Variants in SULT1C4 observed in about 807,000 individuals in gnomAD.
The protein encoded by SULT1C4 is sulfotransferase family 1C member 4, also known as sulfotransferase 1C4.
A neutral mutation model predicts 34.8 loss-of-function variants in SULT1C4; 32 were observed. The ratio of observed to expected loss-of-function variants is 0.92; its 90% CI spans 0.69 to 1.23. SULT1C4 has a LOEUF of 1.23. Ranked by LOEUF, SULT1C4 falls within the 50% of genes most tolerant of loss-of-function variation. The pLI, the probability that SULT1C4 is intolerant of heterozygous loss-of-function variation, is 0.00. For missense variants in SULT1C4, 375 were observed against 365.9 expected (o/e 1.02, Z -0.20); for synonymous variants, 111 against 120.5 (o/e 0.92, Z 0.51).
chr2:108,381,263 T>G (rs1194897161), intron 1 of SULT1C4, among the ~76,000 whole-genome samples: 1 of 152,226 alleles, frequency 6.6e-6, no homozygotes, highest in Admixed American at 6.5e-5. Context: ...TTGGAGTATT[T>G]TTTTAAAATC....
Position 108,382,374 on chromosome 2 carries a change from C to A in SULT1C4, c.296-11C>A, listed in dbSNP as rs1389878187. ...AAAATCGTAGAAATTGATCGAAAAC[C>A]AGTTTTGCAGGTTTGGAACAAGCTC... On this transcript the variant is annotated splice_polypyrimidine_tract_variant and intron_variant, in intron 2 of 6. Transcript: ENST00000272452. The A allele has an allele frequency of 5.0e-6, 8 of 1,606,730 alleles. No homozygotes were observed. In the East Asian group the frequency reaches 1.6e-4, roughly 31 times the overall value.
Position 108,386,383 on chromosome 2 carries a change from T to C in SULT1C4, c.796+11T>C, listed in dbSNP as rs1342327436. 2 of 1,418,508 alleles carry C rather than the reference T, an allele frequency of 1.4e-6. No individual in the cohort carries two copies. The highest frequency in any genetic ancestry group is 9.3e-7 in the Non-Finnish European group (1 of 1,076,650). 87.9% of individuals were successfully genotyped at this position (1,418,508 alleles called of 1,614,324 possible). A position where few individuals can be genotyped will look rare whatever the true frequency, so the allele number is the denominator to read the frequency against. Reference sequence around the variant, plus strand: ...CATTCATGAGAAAAGGTTTTTATAGTTTATTTTCATTATAATCTTAAAAGA... The same window carrying C: ...CATTCATGAGAAAAGGTTTTTATAGCTTATTTTCATTATAATCTTAAAAGA... On this transcript the variant is annotated intron_variant, in intron 6 of 6. Coordinates refer to ENST00000272452, the MANE Select transcript of SULT1C4 (RefSeq NM_006588.4).
chr2:108,383,196 T>C lies in SULT1C4; in HGVS notation c.497T>C (p.Phe166Ser), dbSNP rs763979300. ...LPAPGTWEEYFETFLAGKVCW... is the reference protein window; with the variant it reads ...LPAPGTWEEYSETFLAGKVCW... ...GCTCCAGGAACATGGGAAGAGTATTTTGAGACTTTTCTGGCTGGGAAAGGT... is the reference window on the plus strand; with the variant it reads ...GCTCCAGGAACATGGGAAGAGTATTCTGAGACTTTTCTGGCTGGGAAAGGT... The change falls in exon 4 of 7, where the codon TTT becomes TCT. Residue 166 changes from phenylalanine to serine, a missense_variant. Transcript: ENST00000272452. 1.1e-5 allele frequency: 17 copies of C among 1,609,994 alleles called. No homozygotes were observed. Among genetic ancestry groups the C allele is most frequent in the Non-Finnish European group, 1.4e-5 (16 of 1,179,146 alleles).
At chr2:108,381,680 A>G (rs908777759) in intron 1 of SULT1C4, 82 bp from the exon 2 acceptor site, 2 of 1,291,050 alleles carry the variant, frequency 1.5e-6, no homozygotes, top group Non-Finnish European at 2.0e-6. Flanking sequence ...AAAGACATAG[A>G]TGTTCTAACA....
At chr2:108,380,606 A>T (rs1044261156) in intron 1 of SULT1C4, among the ~76,000 whole-genome samples, 2 of 152,256 alleles carry the variant, frequency 1.3e-5, no homozygotes, top group African/African-American at 2.4e-5. Context: ...ACAGATCTTC[A>T]TCAAAGGGTG....
chr2:108,382,528 T>C (rs961482462), intron 3 of SULT1C4, 46 bp downstream of exon 3: 3 of 1,440,430 alleles, frequency 2.1e-6, no homozygotes, highest in Non-Finnish European at 2.9e-6. Flanking sequence ...TAAAACAACC[T>C]TAGTCTTCCA....
intron 2 of SULT1C4, 178 bp downstream of exon 2, chr2:108,382,065 G>C (rs1448107476): frequency 2.8e-6 from 2 of 707,182 alleles, no homozygotes; most frequent in Non-Finnish European, 2.1e-6. Flanking sequence ...TGGAATTACT[G>C]TTTGTACAAA....
chr2:108,379,650 C>G (rs1465779694), intron 1 of SULT1C4, among the ~76,000 whole-genome samples: 1 of 152,122 alleles, frequency 6.6e-6, no homozygotes, highest in South Asian at 2.1e-4. Flanking sequence ...AAATTAAATA[C>G]TTGCCATCTA....
At chr2:108,382,100 G>C in intron 2 of SULT1C4, 1 of 586,344 alleles carries the variant, frequency 1.7e-6, no homozygotes, top group Admixed American at 3.8e-5. Flanking sequence ...TGTTTCTCTA[G>C]TTAGAAATTA....
rs771292711 is a variant in SULT1C4, at chr2:108,383,147, C to G, written c.448C>G (p.Gln150Glu). The change falls in exon 4 of 7, where the codon CAA becomes GAA. Residue 150 changes from glutamine to glutamate, a missense_variant. Gln to Glu is a conservative substitution (Grantham distance 29). Transcript: ENST00000272452. The stretch of plus-strand genomic sequence containing the variant: ...CAACATGGTGTCCTATTACCATTTC[C>G]AAAGAATGAATAAAGCTCTTCCTGC... ...KDNMVSYYHFQRMNKALPAPG... is the reference protein window; with the variant it reads ...KDNMVSYYHFERMNKALPAPG... 19 of 1,612,958 alleles carry G rather than the reference C, an allele frequency of 1.2e-5. No individual in the cohort carries two copies. The Admixed American group carries it at 2.5e-4, about 21-fold the overall frequency.
chr2:108,380,154 T>C (rs563225299), intron 1 of SULT1C4, among the ~76,000 whole-genome samples: 9 of 152,130 alleles, frequency 5.9e-5, no homozygotes, highest in African/African-American at 9.7e-5. Flanking sequence ...ATTGAGAATA[T>C]GGGAAAAGGA....
intron 2 of SULT1C4, 43 bp from the exon 3 acceptor site, chr2:108,382,342 T>TAA: frequency 5.7e-6 from 8 of 1,411,358 alleles, no homozygotes; most frequent in Admixed American, 1.8e-5. Flanking sequence ...AGCAAATAGA[T>TAA]AAAAAAAAAA....
At position 108,383,636 on chromosome 2, in the gene SULT1C4, GC is replaced by G. The variant is rs1199937802; in HGVS notation, c.615+127del. 17 of 740,488 alleles carry G rather than the reference GC, an allele frequency of 2.3e-5. No individual in the cohort carries two copies. The Admixed American group carries it at 4.7e-4, about 21-fold the overall frequency. 45.9% of individuals were successfully genotyped at this position (740,488 alleles called of 1,614,324 possible). ...AAATTGCTGCACTTCATTGGTTACA[GC>G]TGTCATTTGTCAAAGTGCACATGGC... On this transcript the variant is annotated intron_variant, in intron 5 of 6. Transcript: ENST00000272452.
chr2:108,385,302 C>A (rs1003011835), intron 5 of SULT1C4, among the ~76,000 whole-genome samples: 3 of 152,080 alleles, frequency 2.0e-5, no homozygotes, highest in African/African-American at 7.2e-5. Context: ...TAGACCCTAG[C>A]GTATTATGCA....
intron 5 of SULT1C4, among the ~76,000 whole-genome samples, chr2:108,384,928 G>A (rs2104347457): frequency 6.6e-6 from 1 of 152,318 alleles, no homozygotes; most frequent in Non-Finnish European, 1.5e-5. Context: ...AAATTCCCAG[G>A]AGATTCAAGC....
Position 108,387,675 on chromosome 2 carries a change from T to C in SULT1C4, c.*243T>C, listed in dbSNP as rs1019633969. 13 of 410,308 alleles carry C rather than the reference T, an allele frequency of 3.2e-5. No homozygotes were observed. Among genetic ancestry groups the C allele is most frequent in the African/African-American group, 1.8e-4 (9 of 48,684 alleles). The allele number at this position is 410,308 out of a possible 1,614,324, so 25.4% of individuals were successfully genotyped here. On this transcript the variant is annotated 3_prime_UTR_variant, in exon 7 of 7. Transcript: ENST00000272452. ...ATCACTAGGTACAATCCTGGTATCA[T>C]TGCCAATTATCATCATATTTACATT... is the stretch of plus-strand genomic sequence containing the variant.
intron 1 of SULT1C4, among the ~76,000 whole-genome samples, chr2:108,379,830 G>T (rs570964340): frequency 2.8e-4 from 43 of 152,242 alleles, no homozygotes; most frequent in African/African-American, 6.0e-4. Flanking sequence ...GGCCTCTAGA[G>T]AATAAATTGA....
chr2:108,385,538 G>A (rs553422291), intron 5 of SULT1C4, among the ~76,000 whole-genome samples: 9 of 152,240 alleles, frequency 5.9e-5, no homozygotes, highest in Non-Finnish European at 1.0e-4. Context: ...CAGTGGTCAG[G>A]GTAAGCGCTT....
At chr2:108,382,010 T>C (rs901119579) in intron 2 of SULT1C4, 123 bp downstream of exon 2, 1 of 1,133,828 alleles carries the variant, frequency 8.8e-7, no homozygotes, top group Admixed American at 3.0e-5. Flanking sequence ...GTTTTGTCTT[T>C]TTTTAACTGT....
Sources: allele counts gnomAD v4.1 joint callset (sites outside exome capture counted in the v4.1 genomes callset), GRCh38; gene constraint gnomAD v4.1.1; transcripts MANE v1.5; gene names NCBI Gene and HGNC (gene_info 2026-07-23, HGNC 2026-07-21).